NPEPL1: variants seen among roughly 807,000 people sequenced by gnomAD.
NPEPL1 encodes aminopeptidase like 1.
A neutral mutation model predicts 52.4 loss-of-function variants in NPEPL1; 45 were observed. The ratio of observed to expected loss-of-function variants is 0.86; its 90% CI spans 0.68 to 1.10. The LOEUF (loss-of-function observed/expected upper bound fraction) is 1.10. Among genes scored for constraint, NPEPL1 ranks in the 50% least tolerant of loss-of-function variants. NPEPL1 has a pLI of 0.00. For missense variants in NPEPL1, 696 were observed against 710.9 expected (o/e 0.98, Z 0.24); for synonymous variants, 360 against 314.7 (o/e 1.14, Z -1.52).
intron 3 of NPEPL1, among the ~76,000 whole-genome samples, chr20:58,698,117 G>A (rs1476922956): frequency 3.3e-5 from 5 of 152,238 alleles, no homozygotes; most frequent in South Asian, 2.1e-4. Context: ...GGAAAGCAAC[G>A]GCCCAGAGGG....
chr20:58,697,359 T>C (rs1036427154), intron 3 of NPEPL1, among the ~76,000 whole-genome samples: 2 of 152,236 alleles, frequency 1.3e-5, no homozygotes, highest in African/African-American at 4.8e-5. Context: ...TCACACAGCA[T>C]TGACGCACTT....
At chr20:58,701,822 G>A (rs965177428) in intron 6 of NPEPL1, among the ~76,000 whole-genome samples, 1 of 152,138 alleles carries the variant, frequency 6.6e-6, no homozygotes, top group Admixed American at 6.5e-5. Context: ...AGTCACCCGG[G>A]AACATCCCGG....
rs377697595 is a variant in NPEPL1 at position 58,713,408 on chromosome 20, A to G, written c.1002-12A>G. On this transcript the variant is annotated splice_polypyrimidine_tract_variant and intron_variant, in intron 8 of 11. Coordinates refer to ENST00000356091, the MANE Select transcript of NPEPL1 (RefSeq NM_024663.4). This position sits in a 1 kb window ranked among gnomAD's most constrained non-coding sequence, Gnocchi z 4.6. ...ATCCCGTCCCTGAGCGGGGATCTCT[A>G]CCATGCCCCAGGACGGTGGAAATCA... 1.9e-6 allele frequency: 3 copies of G among 1,592,464 alleles called. No homozygotes were observed. The highest frequency in any genetic ancestry group is 2.7e-5 in the African/African-American group (2 of 74,506).
upstream of NPEPL1, chr20:58,691,124 C>T (rs2084335470): frequency 1.4e-6 from 1 of 703,142 alleles, no homozygotes; most frequent in African/African-American, 1.7e-5. Context: ...AGTCTCTCAC[C>T]CTCTAGGAAG....
At position 58,701,038 on chromosome 20, in the gene NPEPL1, C is replaced by G; in HGVS notation, c.702C>G (p.Ala234=). 1.3e-6 allele frequency: 2 copies of G among 1,592,954 alleles called. No homozygotes were observed. Among genetic ancestry groups the G allele is most frequent in the African/African-American group, 1.3e-5 (1 of 74,252 alleles). The change falls in exon 6 of 12, where the codon GCC becomes GCG. Residue 234 remains alanine, a synonymous_variant. Transcript: ENST00000356091. ...TAGGAATCTATGGGGTTGGCAAAGC[C>G]GCCCTGCATCCCCCAGCCCTGGCCG... ...GFGGIYGVGK[A]ALHPPALAVL... is the part of the protein sequence containing the mutation.
At chr20:58,690,337 C>T (rs1373882003), upstream of NPEPL1, among the ~76,000 whole-genome samples, 2 of 152,164 alleles carry the variant, frequency 1.3e-5, no homozygotes, top group Non-Finnish European at 1.5e-5. Flanking sequence ...TTTAAACTTT[C>T]ATTTTTTAAG....
chr20:58,690,925 G>C (rs2084332705), upstream of NPEPL1: 1 of 531,746 alleles, frequency 1.9e-6, no homozygotes, highest in Admixed American at 3.1e-5. Flanking sequence ...AGTGAGCCAG[G>C]CTCCCCAGTC....
rs2084890472 is a variant in NPEPL1, at chr20:58,713,256, G to A, written c.1002-164G>A. The A allele has an allele frequency of 3.6e-6, 3 of 837,688 alleles. No homozygotes were observed. The highest frequency in any genetic ancestry group is 3.8e-5 in the South Asian group (2 of 53,312). The allele number at this position is 837,688 out of a possible 1,614,324, so 51.9% of individuals were successfully genotyped here. ...CCTTTGCTCCAGGCACTGCATTGCTGTAGGGACTGGGGGCATCCCGGCCTT... is the reference window on the plus strand; with the variant it reads ...CCTTTGCTCCAGGCACTGCATTGCTATAGGGACTGGGGGCATCCCGGCCTT... On this transcript the variant is annotated intron_variant, in intron 8 of 11. Coordinates refer to ENST00000356091, the MANE Select transcript of NPEPL1 (RefSeq NM_024663.4). The surrounding 1 kb of genome is among the most constrained non-coding windows in gnomAD (Gnocchi z 4.6).
At chr20:58,694,376 G>A (rs1393518755) in intron 2 of NPEPL1, 46 bp from the exon 3 acceptor site, 1 of 1,547,432 alleles carries the variant, frequency 6.5e-7, no homozygotes, top group East Asian at 2.3e-5. Context: ...TGCACTCCCT[G>A]GTGGCGGCCC....
At chr20:58,714,994 C>A in intron 11 of NPEPL1, 174 bp from the exon 12 acceptor site, 1 of 743,910 alleles carries the variant, frequency 1.3e-6, no homozygotes, top group Non-Finnish European at 2.1e-6. Flanking sequence ...CAGCCCTGAA[C>A]GTGTCCAGCC....
intron 7 of NPEPL1, among the ~76,000 whole-genome samples, chr20:58,708,961 G>C (rs1054823992): frequency 6.6e-6 from 1 of 152,168 alleles, no homozygotes; most frequent in Admixed American, 6.5e-5. Flanking sequence ...CAGAGGGTCT[G>C]TCCTGCCTCT....
chr20:58,693,997 G>C (rs2084408734), intron 2 of NPEPL1, 75 bp downstream of exon 2: 1 of 1,402,340 alleles, frequency 7.1e-7, no homozygotes, highest in African/African-American at 1.4e-5. Context: ...GGAGCTCACA[G>C]CCCTGCTCAG....
At chr20:58,693,148 G>T (rs2084389731) in intron 1 of NPEPL1, 98 bp downstream of exon 1, 6 of 850,208 alleles carry the variant, frequency 7.1e-6, no homozygotes, top group African/African-American at 1.8e-5. Flanking sequence ...CCCCGCCGCC[G>T]CCGGGCCGGG....
At chr20:58,710,583 G>A (rs780477631) in intron 7 of NPEPL1, among the ~76,000 whole-genome samples, 6 of 152,098 alleles carry the variant, frequency 3.9e-5, no homozygotes, top group Non-Finnish European at 5.9e-5. Flanking sequence ...CGTAGCACTG[G>A]AGACCCTTCC....
intron 6 of NPEPL1, among the ~76,000 whole-genome samples, chr20:58,702,021 G>A (rs1482927911): frequency 1.3e-5 from 2 of 152,216 alleles, no homozygotes; most frequent in African/African-American, 2.4e-5. Flanking sequence ...GCCTGGGCTG[G>A]GAAGGACAGG....
upstream of NPEPL1, chr20:58,691,165 C>T (rs2084336000): frequency 1.4e-6 from 1 of 703,006 alleles, no homozygotes; most frequent in Non-Finnish European, 2.6e-6. Flanking sequence ...CTCTGGAGTG[C>T]CGTGTGCCTG....
chr20:58,710,936 G>T, intron 7 of NPEPL1: 1 of 152,498 alleles, frequency 6.6e-6, no homozygotes. Flanking sequence ...CATGTTGTTA[G>T]TAATATGGGT....
intron 6 of NPEPL1, among the ~76,000 whole-genome samples, chr20:58,702,386 C>A (rs749548291): frequency 6.6e-6 from 1 of 152,224 alleles, no homozygotes; most frequent in Non-Finnish European, 1.5e-5. Flanking sequence ...AGCTGCTGTT[C>A]AGGGTGGCGC....
chr20:58,714,807 C>G, intron 11 of NPEPL1, 137 bp downstream of exon 11: 1 of 703,860 alleles, frequency 1.4e-6, no homozygotes, highest in Non-Finnish European at 2.4e-6. Flanking sequence ...GCTGTCCCCA[C>G]CACCCCCAGG....
Sources: gnomAD v4.1 joint callset for allele counts (sites outside exome capture counted in the v4.1 genomes callset) on GRCh38, gnomAD v4.1.1 for gene constraint, Gnocchi (gnomAD v3.1) non-coding constraint, MANE v1.5 for transcripts, NCBI Gene and HGNC (gene_info 2026-07-23, HGNC 2026-07-21) for gene names.